Variants in CHMP3 observed in about 807,000 individuals in gnomAD.
CHMP3 encodes 25.1 protein.
Under a neutral mutation model 27.4 loss-of-function variants are expected in CHMP3, and 8 were observed. That is an observed-to-expected ratio of 0.29 (90% CI 0.17 to 0.53). The LOEUF (loss-of-function observed/expected upper bound fraction) is 0.53, where lower values mean the gene tolerates loss of function less well. Ranked by LOEUF, CHMP3 falls within the 20% of genes least tolerant of loss-of-function variation. The pLI, the probability that CHMP3 is intolerant of heterozygous loss-of-function variation, is 0.96. For missense variants in CHMP3, 208 were observed against 271.5 expected, an observed-to-expected ratio of 0.77 and a Z score of 1.64; for synonymous variants, 86 against 85.5, an observed-to-expected ratio of 1.01 and a Z score of -0.03.
intron 1 of CHMP3, among the ~76,000 whole-genome samples, chr2:86,555,759 T>G (rs1368015959): frequency 6.6e-6 from 1 of 152,098 alleles, no homozygotes; most frequent in Non-Finnish European, 1.5e-5. Context: ...TCTCTTCTTC[T>G]GTGTATGTCA....
At chr2:86,509,108 ATG>A (rs1674994545) in intron 4 of CHMP3, among the ~76,000 whole-genome samples, 1 of 152,212 alleles carries the variant, frequency 6.6e-6, no homozygotes, top group Non-Finnish European at 1.5e-5. Context: ...GGCCTTCAGA[ATG>A]TACTACACGC....
At chr2:86,514,863 T>C (rs78876714) in intron 3 of CHMP3, among the ~76,000 whole-genome samples, 3 of 152,192 alleles carry the variant, frequency 2.0e-5, no homozygotes, top group Non-Finnish European at 4.4e-5. Flanking sequence ...TGGCAAATTT[T>C]CGTACATATA....
At chr2:86,519,967 C>T (rs1157194528) in intron 3 of CHMP3, among the ~76,000 whole-genome samples, 1 of 151,968 alleles carries the variant, frequency 6.6e-6, no homozygotes, top group Non-Finnish European at 1.5e-5. Flanking sequence ...ATGCAAAATC[C>T]GTTTATTTAA....
intron 3 of CHMP3, 191 bp from the exon 4 acceptor site, chr2:86,510,670 A>C: frequency 2.7e-6 from 2 of 737,780 alleles, no homozygotes; most frequent in Non-Finnish European, 4.2e-6. Context: ...TATCTGGGTT[A>C]CTACTGATGT....
chr2:86,510,580 G>A, intron 3 of CHMP3, 101 bp from the exon 4 acceptor site: 1 of 1,489,390 alleles, frequency 6.7e-7, no homozygotes, highest in Non-Finnish European at 9.0e-7. Flanking sequence ...GTAGCAGATG[G>A]ACTCCCGAAG....
Position 86,504,547 on chromosome 2 carries a change from A to T in CHMP3, c.*1257T>A, listed in dbSNP as rs774428243. The T allele has an allele frequency of 3.3e-4, 34 of 103,080 alleles. No homozygotes were observed. The highest frequency in any genetic ancestry group is 5.6e-4 in the Non-Finnish European group (32 of 57,038). 6.4% of individuals were successfully genotyped at this position (103,080 alleles called of 1,614,324 possible). ...TTTTTTGGAGAGACAGGATCTTGCT[A>T]TGTTGCCCAGGCTGGTCTTGAACTC... On this transcript the variant is annotated 3_prime_UTR_variant, in exon 6 of 6. Transcript: ENST00000263856.
chr2:86,519,349 G>A (rs1401946092), intron 3 of CHMP3, among the ~76,000 whole-genome samples: 2 of 133,864 alleles, frequency 1.5e-5, no homozygotes, highest in East Asian at 2.4e-4. Context: ...TGGGCAACAA[G>A]AGCAAAACTT....
intron 5 of CHMP3, 29 bp downstream of exon 5, chr2:86,507,450 A>G: frequency 6.3e-7 from 1 of 1,593,776 alleles, no homozygotes. Flanking sequence ...ATAAAAAGAG[A>G]GGAGAAAGGA....
chr2:86,540,777 T>G (rs1429910948), intron 2 of CHMP3: 1 of 152,100 alleles, frequency 6.6e-6, no homozygotes, highest in Non-Finnish European at 1.5e-5. Context: ...AATCTCAACA[T>G]ATTTATAATA....
chr2:86,525,552 A>AATT (rs1558649337), intron 3 of CHMP3, among the ~76,000 whole-genome samples: 1 of 151,348 alleles, frequency 6.6e-6, no homozygotes, highest in Admixed American at 6.6e-5. Context: ...AAAAAAAACT[A>AATT]CTTAAAATCC....
At chr2:86,526,101 CTT>C (rs1283482954) in intron 3 of CHMP3, among the ~76,000 whole-genome samples, 4 of 152,188 alleles carry the variant, frequency 2.6e-5, no homozygotes, top group African/African-American at 4.8e-5. Context: ...AAATGAACAA[CTT>C]AACATATTGT....
chr2:86,507,786 G>A (rs1674943080), intron 4 of CHMP3, among the ~76,000 whole-genome samples, 193 bp from the exon 5 acceptor site: 1 of 152,170 alleles, frequency 6.6e-6, no homozygotes, highest in Non-Finnish European at 1.5e-5. Context: ...AAGGGAAACG[G>A]CTCTCTAAAT....
chr2:86,562,058 T>C (rs1027454069), intron 1 of CHMP3: 1 of 152,218 alleles, frequency 6.6e-6, no homozygotes, highest in African/African-American at 2.4e-5. Flanking sequence ...CGTTATTTCA[T>C]TTAAGCGCCA....
At chr2:86,507,694 T>C (rs1382064437) in intron 4 of CHMP3, 101 bp from the exon 5 acceptor site, 26 of 954,508 alleles carry the variant, frequency 2.7e-5, no homozygotes, top group Non-Finnish European at 3.5e-5. Flanking sequence ...GTCCAGTCTA[T>C]CCTTTCAAGA....
At chr2:86,563,199 G>A in intron 1 of CHMP3, 105 bp downstream of exon 1, 1 of 1,371,020 alleles carries the variant, frequency 7.3e-7, no homozygotes, top group Non-Finnish European at 1.0e-6. Flanking sequence ...ATGGGGGCCG[G>A]GCGGTATCGG....
intron 4 of CHMP3, among the ~76,000 whole-genome samples, chr2:86,509,276 A>G (rs1675002224): frequency 6.6e-6 from 1 of 152,218 alleles, no homozygotes; most frequent in Non-Finnish European, 1.5e-5. Context: ...ATCTGGTTCT[A>G]GATGAACAGT....
intron 1 of CHMP3, 111 bp from the exon 2 acceptor site, chr2:86,542,423 A>C (rs1219799303): frequency 1.8e-6 from 2 of 1,107,910 alleles, no homozygotes; most frequent in Non-Finnish European, 2.6e-6. Context: ...AAATTTAAAA[A>C]GCCATTTTCA....
intron 3 of CHMP3, among the ~76,000 whole-genome samples, chr2:86,525,326 T>A (rs1188379601): frequency 6.6e-6 from 1 of 152,190 alleles, no homozygotes; most frequent in Non-Finnish European, 1.5e-5. Context: ...GTAAATTTCA[T>A]GTGATACTTT....
chr2:86,557,861 C>T (rs1677187020), intron 1 of CHMP3, among the ~76,000 whole-genome samples: 1 of 152,214 alleles, frequency 6.6e-6, no homozygotes, highest in African/African-American at 2.4e-5. Flanking sequence ...TGTTTATTTA[C>T]ATGTCAGTCT....
Sources: allele counts gnomAD v4.1 joint callset (sites outside exome capture counted in the v4.1 genomes callset), GRCh38; gene constraint gnomAD v4.1.1; transcripts MANE v1.5; gene names NCBI Gene and HGNC (gene_info 2026-07-23, HGNC 2026-07-21).